Variants in TMEM117 observed in about 807,000 individuals in gnomAD.
The protein encoded by TMEM117 is transmembrane protein 117.
TMEM117 carries 27 observed loss-of-function variants against 52.4 expected under a neutral mutation model. The ratio of observed to expected loss-of-function variants is 0.51; its 90% CI spans 0.38 to 0.71. The LOEUF is 0.71. Ranked by LOEUF, TMEM117 falls within the 30% of genes least tolerant of loss-of-function variation. TMEM117 has a pLI of 0.00. For missense variants in TMEM117, 556 were observed against 630.5 expected (o/e 0.88, Z 1.26); for synonymous variants, 215 against 206.3 (o/e 1.04, Z -0.36).
At chr12:44,131,036 A>C (rs1948406043) in intron 3 of TMEM117, among the ~76,000 whole-genome samples, 1 of 152,004 alleles carries the variant, frequency 6.6e-6, no homozygotes, top group African/African-American at 2.4e-5. Context: ...GTCTTTGAAA[A>C]ACTTATATAT....
chr12:43,982,798 T>C (rs1355991222), intron 3 of TMEM117, among the ~76,000 whole-genome samples: 2 of 152,330 alleles, frequency 1.3e-5, no homozygotes, highest in Non-Finnish European at 2.9e-5. Flanking sequence ...CGTATTCACA[T>C]ATTATGTATT....
intron 3 of TMEM117, among the ~76,000 whole-genome samples, chr12:44,042,646 A>T (rs58729113): frequency 0.058 from 8,839 of 152,048 alleles, 389 homozygotes; most frequent in African/African-American, 0.12. Context: ...CCTGCCCTCC[A>T]ACATCAGACT....
chr12:44,366,299 C>T (rs1484618835), intron 6 of TMEM117, among the ~76,000 whole-genome samples: 1 of 152,024 alleles, frequency 6.6e-6, no homozygotes, highest in African/African-American at 2.4e-5. Flanking sequence ...AGGTTCTTTA[C>T]CCCAGCATGT....
At chr12:44,089,344 GC>G (rs891349582) in intron 3 of TMEM117, among the ~76,000 whole-genome samples, 2 of 152,064 alleles carry the variant, frequency 1.3e-5, no homozygotes, top group Non-Finnish European at 1.5e-5. Flanking sequence ...GTTTTACTTA[GC>G]TGCTAAAATA....
At chr12:44,309,943 A>G (rs1028580154) in intron 6 of TMEM117, among the ~76,000 whole-genome samples, 2 of 152,344 alleles carry the variant, frequency 1.3e-5, no homozygotes, top group African/African-American at 4.8e-5. Flanking sequence ...ACACTCTTGC[A>G]ATAGACTAAA....
chr12:44,088,258 A>C (rs1947605328), intron 3 of TMEM117, among the ~76,000 whole-genome samples: 1 of 152,224 alleles, frequency 6.6e-6, no homozygotes, highest in African/African-American at 2.4e-5. Context: ...AAATATTTTC[A>C]GAACAGCTTA....
chr12:44,063,452 A>G (rs1435969920), intron 3 of TMEM117, among the ~76,000 whole-genome samples: 4 of 151,844 alleles, frequency 2.6e-5, no homozygotes, highest in African/African-American at 9.7e-5. Flanking sequence ...AAATTTGTCA[A>G]TCCTAGGTTT....
intron 2 of TMEM117, among the ~76,000 whole-genome samples, chr12:43,871,820 C>T (rs1203140930): frequency 6.6e-6 from 1 of 152,208 alleles, no homozygotes; most frequent in African/African-American, 2.4e-5. Flanking sequence ...GTTCACAGCA[C>T]AGTACTAGGC....
intron 2 of TMEM117, 141 bp downstream of exon 2, chr12:43,845,069 A>G: frequency 1.1e-6 from 1 of 915,638 alleles, no homozygotes; most frequent in South Asian, 1.8e-5. Context: ...GCATGGTTGT[A>G]ACTGGGTTCT....
the TMEM117 span, among the ~76,000 whole-genome samples, chr12:43,816,562 C>T: frequency 1.3e-5 from 2 of 152,214 alleles, no homozygotes; most frequent in Middle Eastern, 3.2e-3. Flanking sequence ...TGTCCACTAC[C>T]CAGTCTAAAA....
chr12:44,205,361 T>C (rs1949551087), intron 4 of TMEM117, among the ~76,000 whole-genome samples: 1 of 152,194 alleles, frequency 6.6e-6, no homozygotes, highest in Non-Finnish European at 1.5e-5. Context: ...TCTGCCATGA[T>C]TGTGAGACCT....
At chr12:44,067,366 C>A (rs892720474) in intron 3 of TMEM117, among the ~76,000 whole-genome samples, 1 of 152,074 alleles carries the variant, frequency 6.6e-6, no homozygotes, top group African/African-American at 2.4e-5. Context: ...TTACTTTGCC[C>A]AGATACATCA....
chr12:43,805,202 T>G, the TMEM117 span, among the ~76,000 whole-genome samples: 1 of 152,230 alleles, frequency 6.6e-6, no homozygotes, highest in African/African-American at 2.4e-5. Context: ...TGTTGTCTAT[T>G]AGCAGCAAGA....
At chr12:43,923,315 A>G (rs1262883594) in intron 2 of TMEM117, among the ~76,000 whole-genome samples, 1 of 152,198 alleles carries the variant, frequency 6.6e-6, no homozygotes, top group African/African-American at 2.4e-5. Flanking sequence ...GTTAAAAGGA[A>G]CAGTCAAGAT....
At chr12:43,817,260 A>T in the TMEM117 span, among the ~76,000 whole-genome samples, 3 of 152,214 alleles carry the variant, frequency 2.0e-5, no homozygotes, top group Admixed American at 2.0e-4. Context: ...ACCTGAAGGG[A>T]TAATGAGCTA....
chr12:43,912,923 A>G (rs551805026), intron 2 of TMEM117, among the ~76,000 whole-genome samples: 1 of 152,296 alleles, frequency 6.6e-6, no homozygotes, highest in East Asian at 1.9e-4. Context: ...AAGGCTTGTC[A>G]TTATTGAGAT....
intron 5 of TMEM117, among the ~76,000 whole-genome samples, chr12:44,220,796 C>T (rs984257772): frequency 1.3e-5 from 2 of 152,072 alleles, no homozygotes; most frequent in Non-Finnish European, 2.9e-5. Flanking sequence ...CAAAAGAAGT[C>T]TCAATGGCCA....
chr12:44,123,725 A>G (rs552864794), intron 3 of TMEM117, among the ~76,000 whole-genome samples: 2 of 152,100 alleles, frequency 1.3e-5, no homozygotes, highest in South Asian at 4.2e-4. Context: ...GTGTGGTCTT[A>G]TTTCTGGGTT....
chr12:44,114,404 C>G (rs1237456465), intron 3 of TMEM117, among the ~76,000 whole-genome samples: 1 of 152,090 alleles, frequency 6.6e-6, no homozygotes, highest in African/African-American at 2.4e-5. Flanking sequence ...GTGCTCACCT[C>G]TGCATTTAGG....
Sources: gnomAD v4.1 joint callset for allele counts (sites outside exome capture counted in the v4.1 genomes callset) on GRCh38, gnomAD v4.1.1 for gene constraint, MANE v1.5 for transcripts, NCBI Gene and HGNC (gene_info 2026-07-23, HGNC 2026-07-21) for gene names.